Variants in DLG2 observed in about 807,000 individuals in gnomAD.
DLG2 encodes disks large homolog 2.
A neutral mutation model predicts 132.5 loss-of-function variants in DLG2; 45 were observed. The observed-to-expected ratio is 0.34, with a 90% CI of 0.27 to 0.44. The LOEUF is 0.44. Among genes scored for constraint, DLG2 ranks in the 20% least tolerant of loss-of-function variants. The pLI, the probability that DLG2 is intolerant of heterozygous loss-of-function variation, is 1.00. For synonymous variants in DLG2, 424 were observed against 419.6 expected (o/e 1.01, Z -0.13); for missense variants, 1,045 against 1,196.9 (o/e 0.87, Z 1.87).
chr11:84,281,742 A>G (rs1000425717), intron 7 of DLG2, among the ~76,000 whole-genome samples: 1 of 152,184 alleles, frequency 6.6e-6, no homozygotes, highest in Non-Finnish European at 1.5e-5. Context: ...AGATATAGGT[A>G]TCAAATAAGC....
chr11:85,116,069 A>G (rs2073530186), intron 5 of DLG2, among the ~76,000 whole-genome samples: 1 of 152,018 alleles, frequency 6.6e-6, no homozygotes, highest in African/African-American at 2.4e-5. Flanking sequence ...TGACAGATGA[A>G]GAAAAAGAGG....
At chr11:84,481,496 A>T (rs548657847) in intron 7 of DLG2, among the ~76,000 whole-genome samples, 155 of 152,308 alleles carry the variant, frequency 1.0e-3, no homozygotes, top group African/African-American at 3.5e-3. Context: ...AACACTGAAG[A>T]GAATTATATG....
intron 6 of DLG2, among the ~76,000 whole-genome samples, chr11:84,920,414 G>C (rs141076891): frequency 5.1e-4 from 78 of 152,242 alleles, no homozygotes; most frequent in Non-Finnish European, 8.4e-4. Context: ...AACCTTTCTT[G>C]ATTAGTCCAG....
At chr11:84,136,157 C>G (rs76010355) in intron 9 of DLG2, among the ~76,000 whole-genome samples, 2,839 of 152,196 alleles carry the variant, frequency 0.019, 70 homozygotes, top group African/African-American at 0.063. Context: ...CATACAAACC[C>G]TAAATATTGA....
intron 3 of DLG2, among the ~76,000 whole-genome samples, chr11:85,363,513 T>G (rs1175330634): frequency 6.6e-6 from 1 of 152,176 alleles, no homozygotes; most frequent in African/African-American, 2.4e-5. Flanking sequence ...CTTGAGTTAT[T>G]TATCTCTGCC....
At chr11:84,315,679 T>G (rs895159599) in intron 7 of DLG2, among the ~76,000 whole-genome samples, 1 of 152,174 alleles carries the variant, frequency 6.6e-6, no homozygotes, top group Non-Finnish European at 1.5e-5. Flanking sequence ...TTTATTTAAA[T>G]CAGGAGGCTG....
At chr11:83,684,664 T>C (rs2079416191) in intron 18 of DLG2, 1 of 152,152 alleles carries the variant, frequency 6.6e-6, no homozygotes, top group South Asian at 2.1e-4. Context: ...CAATGGTTAC[T>C]TCCTATATGT....
intron 15 of DLG2, among the ~76,000 whole-genome samples, chr11:83,927,657 G>A (rs983374736): frequency 4.6e-5 from 7 of 152,104 alleles, no homozygotes; most frequent in Non-Finnish European, 7.4e-5. Context: ...TAATGACTTC[G>A]CATTGCATCC....
intron 7 of DLG2, among the ~76,000 whole-genome samples, chr11:84,498,500 C>T (rs1037014483): frequency 6.6e-6 from 1 of 152,094 alleles, no homozygotes; most frequent in African/African-American, 2.4e-5. Flanking sequence ...AAAACAGCCA[C>T]AGATACAAAT....
chr11:84,201,443 G>T (rs2154299242), intron 8 of DLG2, among the ~76,000 whole-genome samples: 1 of 152,264 alleles, frequency 6.6e-6, no homozygotes, highest in Non-Finnish European at 1.5e-5. Flanking sequence ...TTTGGTATCA[G>T]GATGATGCTG....
chr11:85,412,116 A>T (rs1037106079), intron 3 of DLG2, among the ~76,000 whole-genome samples: 2 of 151,974 alleles, frequency 1.3e-5, no homozygotes, highest in Admixed American at 1.3e-4. Flanking sequence ...AAATCAACCC[A>T]TGTCATTCCC....
At chr11:84,348,714 T>C (rs1258837853) in intron 7 of DLG2, among the ~76,000 whole-genome samples, 3 of 152,160 alleles carry the variant, frequency 2.0e-5, no homozygotes, top group Non-Finnish European at 4.4e-5. Context: ...GTAAATGTAG[T>C]CAATTTTAAG....
chr11:83,811,577 C>A (rs1441166431), intron 17 of DLG2, among the ~76,000 whole-genome samples: 1 of 152,068 alleles, frequency 6.6e-6, no homozygotes, highest in Non-Finnish European at 1.5e-5. Flanking sequence ...AAATTCACGA[C>A]ATTTGCTGTT....
intron 4 of DLG2, among the ~76,000 whole-genome samples, chr11:85,172,109 A>G (rs905019723): frequency 2.0e-5 from 3 of 152,224 alleles, no homozygotes; most frequent in African/African-American, 7.2e-5. Context: ...AGGGGCAGCC[A>G]TACTGCTTGT....
chr11:84,686,852 T>C (rs2099738664), intron 6 of DLG2: 4 of 152,242 alleles, frequency 2.6e-5, no homozygotes, highest in Admixed American at 1.3e-4. Flanking sequence ...CTGCTTCCTG[T>C]GATAATTCCA....
At chr11:84,428,548 G>T (rs2098974433) in intron 7 of DLG2, among the ~76,000 whole-genome samples, 2 of 152,334 alleles carry the variant, frequency 1.3e-5, no homozygotes, top group Non-Finnish European at 1.5e-5. Flanking sequence ...TTTGCAGACA[G>T]CTGCCTTTTC....
At chr11:84,235,512 C>A (rs2097146892) in intron 8 of DLG2, among the ~76,000 whole-genome samples, 1 of 152,020 alleles carries the variant, frequency 6.6e-6, no homozygotes, top group Non-Finnish European at 1.5e-5. Flanking sequence ...CCACTGTACT[C>A]TAGTCTAGGT....
chr11:85,509,158 T>C (rs2153151430), intron 3 of DLG2, among the ~76,000 whole-genome samples: 1 of 152,194 alleles, frequency 6.6e-6, no homozygotes, highest in East Asian at 1.9e-4. Context: ...GAAGTAAATT[T>C]CTTTTAATCA....
chr11:84,190,011 G>A (rs1385549819), intron 8 of DLG2, among the ~76,000 whole-genome samples: 5 of 151,802 alleles, frequency 3.3e-5, no homozygotes, highest in Non-Finnish European at 7.4e-5. Flanking sequence ...AAAGCTTGGA[G>A]ACTAGTGTGA....
Sources: gnomAD v4.1 joint callset for allele counts (sites outside exome capture counted in the v4.1 genomes callset) on GRCh38, gnomAD v4.1.1 for gene constraint, MANE v1.5 for transcripts, NCBI Gene and HGNC (gene_info 2026-07-23, HGNC 2026-07-21) for gene names.